The following HOGA1 variants were observed in gnomAD, a reference collection of about 807,000 sequenced individuals.
The protein encoded by HOGA1 is 4-hydroxy-2-oxoglutarate aldolase, mitochondrial.
In HOGA1, 30 loss-of-function variants were observed where a neutral mutation model predicts 34.3. The ratio of observed to expected loss-of-function variants is 0.87; its 90% CI spans 0.65 to 1.19. The LOEUF (loss-of-function observed/expected upper bound fraction) is 1.19. HOGA1 is among the 50% of genes most tolerant of loss of function. HOGA1 has a pLI of 0.00. For missense variants in HOGA1, 417 were observed against 436.5 expected (o/e 0.96, Z 0.40); for synonymous variants, 161 against 174.0 (o/e 0.93, Z 0.59).
chr10:97,591,421 A>C (rs2041021891), intron 1 of HOGA1, among the ~76,000 whole-genome samples: 1 of 150,880 alleles, frequency 6.6e-6, no homozygotes, highest in South Asian at 2.1e-4. Context: ...AACTTAATTT[A>C]ATTTAATTTA....
At chr10:97,605,588 ATTTT>A (rs1234677080) in intron 6 of HOGA1, among the ~76,000 whole-genome samples, 1 of 152,054 alleles carries the variant, frequency 6.6e-6, no homozygotes, top group Admixed American at 6.6e-5. Context: ...TGTTGTGACT[ATTTT>A]TTATTTTAGC....
In HOGA1 at chr10:97,601,939, A is replaced by G. The variant is rs1160414592; in HGVS notation, c.783A>G (p.Gln261=). Residue 261 remains glutamine (Q), a synonymous_variant, in exon 6 of 7, where the codon CAA becomes CAG. Transcript: ENST00000370646. The part of the protein sequence containing the change: ...CQLERLCCTG[Q]WEDAQKLQHR... ...TGGAGCGACTGTGCTGCACGGGGCA[A>G]TGGGAAGATGCCCAGAAACTGCAGC... The G allele has an allele frequency of 6.2e-7, 1 of 1,613,178 alleles. No individual in the cohort carries two copies. The highest frequency in any genetic ancestry group is 2.2e-5 in the East Asian group (1 of 44,886).
At chr10:97,608,933 A>T (rs774478781) in intron 6 of HOGA1, among the ~76,000 whole-genome samples, 3 of 152,086 alleles carry the variant, frequency 2.0e-5, no homozygotes, top group African/African-American at 4.8e-5. Flanking sequence ...TAGGCACTCC[A>T]CAATATTTTG....
intron 1 of HOGA1, among the ~76,000 whole-genome samples, chr10:97,596,903 CTG>C (rs2135720129): frequency 6.6e-6 from 1 of 152,282 alleles, no homozygotes; most frequent in East Asian, 1.9e-4. Context: ...CCAGGAAACT[CTG>C]TGTTTCTCCG....
intron 6 of HOGA1, among the ~76,000 whole-genome samples, chr10:97,609,047 A>G (rs935490605): frequency 9.9e-5 from 15 of 152,186 alleles, no homozygotes; most frequent in Non-Finnish European, 1.8e-4. Context: ...CTGAGGAGGT[A>G]AATCTGAGTC....
intron 1 of HOGA1, among the ~76,000 whole-genome samples, chr10:97,587,664 C>A (rs905951183): frequency 6.6e-6 from 1 of 151,840 alleles, no homozygotes; most frequent in African/African-American, 2.4e-5. Flanking sequence ...CCTGCCACCA[C>A]GCCTGGCTAA....
intron 1 of HOGA1, among the ~76,000 whole-genome samples, chr10:97,597,812 G>T (rs942897180): frequency 6.6e-6 from 1 of 152,152 alleles, no homozygotes; most frequent in Non-Finnish European, 1.5e-5. Flanking sequence ...ACACAAATTA[G>T]TTGGGCATGG....
intron 1 of HOGA1, among the ~76,000 whole-genome samples, chr10:97,588,933 G>A (rs1041854503): frequency 3.3e-5 from 5 of 152,120 alleles, no homozygotes; most frequent in African/African-American, 1.2e-4. Flanking sequence ...AGGCCTTGGA[G>A]ATTAATTAGG....
intron 5 of HOGA1, 29 bp from the exon 6 acceptor site, chr10:97,601,828 G>C (rs2135723777): frequency 1.9e-6 from 3 of 1,611,898 alleles, no homozygotes; most frequent in South Asian, 2.2e-5. Flanking sequence ...AGAGGCTCTG[G>C]CTGATGTTCT....
At chr10:97,591,927 C>T (rs2041028565) in intron 1 of HOGA1, among the ~76,000 whole-genome samples, 1 of 151,416 alleles carries the variant, frequency 6.6e-6, no homozygotes, top group Non-Finnish European at 1.5e-5. Context: ...CAACCTCTGC[C>T]TCCCGGGTTC....
chr10:97,601,734 G>A, intron 5 of HOGA1, 123 bp from the exon 6 acceptor site: 2 of 1,172,424 alleles, frequency 1.7e-6, no homozygotes. Flanking sequence ...CTTTGATGTA[G>A]CCAGCCAAGT....
At chr10:97,589,620 C>CCCACA in intron 1 of HOGA1, 3 of 386,156 alleles carry the variant, frequency 7.8e-6, no homozygotes, top group East Asian at 9.5e-5. Context: ...CTCCCCACCC[C>CCCACA]ACTCTCCCCA....
intron 1 of HOGA1, among the ~76,000 whole-genome samples, chr10:97,595,791 T>A (rs1370932469): frequency 1.4e-4 from 21 of 152,214 alleles, no homozygotes; most frequent in Admixed American, 1.4e-3. Flanking sequence ...GGCCTGTGCA[T>A]CTGACCCCTC....
At chr10:97,611,243 C>A (rs889997898) in intron 6 of HOGA1, among the ~76,000 whole-genome samples, 5 of 152,224 alleles carry the variant, frequency 3.3e-5, no homozygotes, top group African/African-American at 1.2e-4. Context: ...ATACCACTCT[C>A]CTCTCTGTTG....
Position 97,607,835 on chromosome 10 carries a change from T to A in HOGA1, c.835-3675T>A, listed in dbSNP as rs12415477. On this transcript the variant is annotated intron_variant, in intron 6 of 6. Coordinates refer to ENST00000370646, the MANE Select transcript of HOGA1 (RefSeq NM_138413.4). ...TTTTTTCCCCCTAAGAACATTAAAG[T>A]GGGTGAAAAAATATTGAAAATTGAG... Among the ~76,000 whole-genome samples, 866 of 152,212 alleles carry A rather than the reference T, an allele frequency of 5.7e-3. 15 individuals carry two copies. Among genetic ancestry groups the A allele is most frequent in the East Asian group, 0.055 (286 of 5,182 alleles).
At chr10:97,593,802 C>A (rs1329459368) in intron 1 of HOGA1, among the ~76,000 whole-genome samples, 2 of 151,864 alleles carry the variant, frequency 1.3e-5, no homozygotes, top group Non-Finnish European at 1.5e-5. Context: ...GTGTTCCAGG[C>A]AGAAGGGAAC....
intron 1 of HOGA1, among the ~76,000 whole-genome samples, chr10:97,588,142 GC>G (rs1193861149): frequency 6.6e-6 from 1 of 151,402 alleles, no homozygotes; most frequent in African/African-American, 2.4e-5. Context: ...AATCTTTTTA[GC>G]ATTGCTAATT....
At chr10:97,604,748 G>A (rs1019852389) in intron 6 of HOGA1, among the ~76,000 whole-genome samples, 10 of 152,280 alleles carry the variant, frequency 6.6e-5, no homozygotes, top group East Asian at 3.9e-4. Context: ...TTGGGAGGCC[G>A]AGGCGGGCAG....
At chr10:97,601,184 T>C (rs1247076742) in intron 5 of HOGA1, among the ~76,000 whole-genome samples, 1 of 152,186 alleles carries the variant, frequency 6.6e-6, no homozygotes, top group Non-Finnish European at 1.5e-5. Context: ...AATTGCCTAC[T>C]CTCTCTACGG....
Sources: gnomAD v4.1 joint callset for allele counts (sites outside exome capture counted in the v4.1 genomes callset) on GRCh38, gnomAD v4.1.1 for gene constraint, MANE v1.5 for transcripts, NCBI Gene and HGNC (gene_info 2026-07-23, HGNC 2026-07-21) for gene names.